The following FUT9 variants were observed in gnomAD, a reference collection of about 807,000 sequenced individuals.
FUT9 encodes the protein 4-galactosyl-N-acetylglucosaminide 3-alpha-L-fucosyltransferase 9.
Under a neutral mutation model 29.7 loss-of-function variants are expected in FUT9, and 15 were observed. The observed-to-expected ratio is 0.51, with a 90% CI of 0.34 to 0.78. The LOEUF is 0.78. Among genes scored for constraint, FUT9 ranks in the 30% least tolerant of loss-of-function variants. FUT9 has a pLI of 0.01. For synonymous variants in FUT9, 169 were observed against 153.7 expected (o/e 1.10, Z -0.74); for missense variants, 319 against 425.4 (o/e 0.75, Z 2.20).
chr6:96,135,244 A>T (rs1350624772), intron 2 of FUT9, among the ~76,000 whole-genome samples: 1 of 152,024 alleles, frequency 6.6e-6, no homozygotes, highest in Admixed American at 6.6e-5. Flanking sequence ...TGTACAGTAC[A>T]TACTTATCTA....
chr6:96,075,532 C>CT (rs1267816745), intron 1 of FUT9, among the ~76,000 whole-genome samples: 1 of 152,116 alleles, frequency 6.6e-6, no homozygotes, highest in Non-Finnish European at 1.5e-5. Context: ...TATATACAAA[C>CT]TCAAGTTACT....
intron 2 of FUT9, among the ~76,000 whole-genome samples, chr6:96,138,301 G>T (rs1220869533): frequency 6.6e-6 from 1 of 152,154 alleles, no homozygotes; most frequent in Non-Finnish European, 1.5e-5. Flanking sequence ...CTTAGCAAAG[G>T]TAAGGGCAAT....
rs1771337445 is a variant in FUT9, at chr6:96,087,491, T to C, written c.-97-26548T>C. The stretch of plus-strand genomic sequence containing the variant: ...AAGCAATTATCCTGCCTCAGCCTCC[T>C]GAGTAGCTAGGACTACAGGCGCGTG... On this transcript the variant is annotated intron_variant, in intron 1 of 2. Coordinates refer to ENST00000302103, the MANE Select transcript of FUT9 (RefSeq NM_006581.4). Among the ~76,000 whole-genome samples the C allele has an allele frequency of 2.6e-5, 4 of 151,318 alleles. No homozygotes were observed. In the South Asian group the frequency reaches 8.4e-4, roughly 32 times the overall value.
At chr6:96,030,886 A>ATATGTTTT (rs1770249278) in intron 1 of FUT9, among the ~76,000 whole-genome samples, 1 of 151,532 alleles carries the variant, frequency 6.6e-6, no homozygotes, top group Non-Finnish European at 1.5e-5. Context: ...AAAAATAAAA[A>ATATGTTTT]CGTAGGAACA....
intron 2 of FUT9, among the ~76,000 whole-genome samples, chr6:96,121,019 A>G (rs1222309435): frequency 6.6e-6 from 1 of 152,190 alleles, no homozygotes; most frequent in Non-Finnish European, 1.5e-5. Flanking sequence ...TAAGGAACAT[A>G]GTTGGTAATA....
intron 1 of FUT9, among the ~76,000 whole-genome samples, chr6:96,069,797 A>AT (rs763338570): frequency 6.6e-6 from 1 of 151,612 alleles, no homozygotes; most frequent in Non-Finnish European, 1.5e-5. Context: ...TGCCCAGCTA[A>AT]TTTTTTTGTA....
intron 1 of FUT9, among the ~76,000 whole-genome samples, chr6:96,066,974 C>T (rs1000681091): frequency 6.6e-6 from 1 of 151,844 alleles, no homozygotes; most frequent in Non-Finnish European, 1.5e-5. Flanking sequence ...GCTTTATATT[C>T]TTCATTACTT....
At chr6:96,069,436 G>GA (rs1297293669) in intron 1 of FUT9, among the ~76,000 whole-genome samples, 2 of 151,996 alleles carry the variant, frequency 1.3e-5, no homozygotes, top group Admixed American at 6.6e-5. Flanking sequence ...GAGAAGATTG[G>GA]AAAAAATCTT....
intron 1 of FUT9, among the ~76,000 whole-genome samples, chr6:96,049,099 G>T (rs915905879): frequency 3.3e-5 from 5 of 152,138 alleles, no homozygotes. Flanking sequence ...AATATGAAAA[G>T]ACAAGGGAAA....
intron 1 of FUT9, among the ~76,000 whole-genome samples, chr6:96,020,231 G>A (rs369657097): frequency 1.1e-4 from 16 of 152,138 alleles, no homozygotes; most frequent in Admixed American, 7.2e-4. Flanking sequence ...GCAGTGTAAG[G>A]TTTTTCATGT....
intron 2 of FUT9, among the ~76,000 whole-genome samples, chr6:96,158,188 G>T (rs990421679): frequency 1.3e-5 from 2 of 151,966 alleles, no homozygotes; most frequent in African/African-American, 4.8e-5. Flanking sequence ...TAAATAAAGG[G>T]ACACACTCTC....
chr6:96,016,289 C>A (rs1769977011), intron 1 of FUT9, 77 bp downstream of exon 1: 1 of 152,646 alleles, frequency 6.6e-6, no homozygotes, highest in African/African-American at 2.4e-5. Context: ...TTGGGAGGCA[C>A]CCCAAACCAG....
At chr6:96,080,709 A>G (rs1771221947) in intron 1 of FUT9, among the ~76,000 whole-genome samples, 1 of 152,044 alleles carries the variant, frequency 6.6e-6, no homozygotes. Flanking sequence ...ATCCAGTTCC[A>G]TGGTTTAAAA....
rs148560092 is a variant in FUT9, at chr6:96,051,769, T to C, written c.-98+35557T>C. On this transcript the variant is annotated intron_variant, in intron 1 of 2. Coordinates refer to ENST00000302103, the MANE Select transcript of FUT9 (RefSeq NM_006581.4). ...ATTAAATACATGATTTGCAAACCAA[T>C]ATTATATATTAAATACATGAGTAAA... Among the ~76,000 whole-genome samples the C allele has an allele frequency of 6.3e-4, 96 of 152,102 alleles. No homozygotes were observed. In the East Asian group the frequency reaches 0.013, roughly 20 times the overall value.
At chr6:96,154,558 GT>G (rs1403982650) in intron 2 of FUT9, among the ~76,000 whole-genome samples, 1 of 152,102 alleles carries the variant, frequency 6.6e-6, no homozygotes, top group African/African-American at 2.4e-5. Flanking sequence ...GAGTTCAGAG[GT>G]TAGTGGACTC....
Position 96,209,465 on chromosome 6 carries a change from C to T in FUT9, c.*5230C>T, listed in dbSNP as rs9399842. The T allele has an allele frequency of 0.92, 153,302 of 166,618 alleles. 71,930 individuals carry two copies. The highest frequency in any genetic ancestry group is 1 in the Non-Finnish European group (67,852 of 67,980). 10.3% of individuals were successfully genotyped at this position (166,618 alleles called of 1,614,324 possible). On this transcript the variant is annotated 3_prime_UTR_variant, in exon 3 of 3. Transcript: ENST00000302103. The stretch of plus-strand genomic sequence containing the variant: ...TGCTCACTGACATCTTAATTGCCTG[C>T]AGAAAAATCAATCATATTTTAGGCA...
intron 1 of FUT9, among the ~76,000 whole-genome samples, chr6:96,024,904 G>A (rs1770136552): frequency 6.6e-6 from 1 of 151,734 alleles, no homozygotes; most frequent in African/African-American, 2.4e-5. Context: ...CTCCTCAAGA[G>A]GAGTAAAGCT....
intron 1 of FUT9, among the ~76,000 whole-genome samples, chr6:96,070,779 T>C (rs1771046122): frequency 6.6e-6 from 1 of 152,204 alleles, no homozygotes; most frequent in South Asian, 2.1e-4. Flanking sequence ...TGTGAAAATA[T>C]GTATGCAGTT....
At chr6:96,016,316 T>A (rs1180169530) in intron 1 of FUT9, 104 bp downstream of exon 1, 1 of 152,312 alleles carries the variant, frequency 6.6e-6, no homozygotes, top group Non-Finnish European at 1.5e-5. Flanking sequence ...TGATTCCCCG[T>A]CCTCCAGGCA....
Sources: gnomAD v4.1 joint callset for allele counts (sites outside exome capture counted in the v4.1 genomes callset) on GRCh38, gnomAD v4.1.1 for gene constraint, MANE v1.5 for transcripts, NCBI Gene and HGNC (gene_info 2026-07-23, HGNC 2026-07-21) for gene names.